PIK3AP1: variants seen among roughly 807,000 people sequenced by gnomAD.
The protein encoded by PIK3AP1 is phosphoinositide 3-kinase adapter protein 1.
PIK3AP1 carries 21 observed loss-of-function variants against 88.1 expected under a neutral mutation model. The ratio of observed to expected loss-of-function variants is 0.24; its 90% CI spans 0.17 to 0.34. The LOEUF (loss-of-function observed/expected upper bound fraction) is 0.34. PIK3AP1 is among the 10% of genes least tolerant of loss of function. PIK3AP1 has a pLI of 1.00. For synonymous variants in PIK3AP1, 398 were observed against 400.0 expected (o/e 1.00, Z 0.06); for missense variants, 828 against 1,035.7 (o/e 0.80, Z 2.75).
intron 8 of PIK3AP1, among the ~76,000 whole-genome samples, chr10:96,631,889 A>T (rs1843249675): frequency 6.7e-6 from 1 of 149,880 alleles, no homozygotes; most frequent in African/African-American, 2.4e-5. Context: ...GTCTCAAAAA[A>T]CAAAACAAAA....
chr10:96,639,974 G>A (rs12251867), intron 8 of PIK3AP1, among the ~76,000 whole-genome samples: 1 of 152,068 alleles, frequency 6.6e-6, no homozygotes, highest in African/African-American at 2.4e-5. Context: ...AGCTTGCAGA[G>A]AGGGGCTGTA....
Position 96,614,263 on chromosome 10 carries a change from A to G in PIK3AP1, c.2014+2376T>C, listed in dbSNP as rs1176581480. Among the ~76,000 whole-genome samples, 6 of 151,784 alleles carry G rather than the reference A, an allele frequency of 4.0e-5. No individual in the cohort carries two copies. The East Asian group carries it at 1.2e-3, about 29-fold the overall frequency. ...TTCTTGATGCTGTCTGTATTTAAAA[A>G]CCTGAAATGTCTCATTCCATCAAGG... On this transcript the variant is annotated intron_variant, in intron 13 of 16. Coordinates refer to ENST00000339364, the MANE Select transcript of PIK3AP1 (RefSeq NM_152309.3).
intron 2 of PIK3AP1, among the ~76,000 whole-genome samples, chr10:96,661,552 A>T (rs1480399516): frequency 6.6e-6 from 1 of 152,228 alleles, no homozygotes. Context: ...ATAGGGGCAG[A>T]GCAGACATGG....
intron 13 of PIK3AP1, among the ~76,000 whole-genome samples, chr10:96,611,446 T>C (rs79493967): frequency 2.6e-5 from 4 of 152,250 alleles, no homozygotes; most frequent in Admixed American, 6.5e-5. Flanking sequence ...TTTTTTTTTT[T>C]CTTCCTGCTC....
intron 8 of PIK3AP1, among the ~76,000 whole-genome samples, chr10:96,634,761 A>C (rs749655724): frequency 6.6e-6 from 1 of 152,160 alleles, no homozygotes; most frequent in Non-Finnish European, 1.5e-5. Flanking sequence ...CATTTAAAAC[A>C]ACTTAAATTT....
At chr10:96,622,191 G>A (rs1843093265) in intron 11 of PIK3AP1, among the ~76,000 whole-genome samples, 1 of 152,220 alleles carries the variant, frequency 6.6e-6, no homozygotes, top group South Asian at 2.1e-4. Flanking sequence ...GTAGGTGCTG[G>A]CTTCCAGCTG....
chr10:96,640,368 C>A lies in PIK3AP1; in HGVS notation c.1375+5105G>T, dbSNP rs891556773. On this transcript the variant is annotated intron_variant, in intron 8 of 16. Coordinates refer to ENST00000339364, the MANE Select transcript of PIK3AP1 (RefSeq NM_152309.3). ...ACTGGACAAGGGCCTCCCAGAACTG[C>A]CCCCCCAAGGCCATTCTACCCAGAG... is the stretch of plus-strand genomic sequence containing the variant. Among the ~76,000 whole-genome samples the A allele has an allele frequency of 9.6e-3, 22 of 2,300 alleles. No individual in the cohort carries two copies. In the Non-Finnish European group the frequency reaches 0.41, roughly 42 times the overall value. 1.5% of individuals were successfully genotyped at this position (2,300 alleles called of 152,430 possible).
chr10:96,602,912 G>A (rs1229386011), intron 15 of PIK3AP1, among the ~76,000 whole-genome samples: 3 of 152,210 alleles, frequency 2.0e-5, no homozygotes, highest in African/African-American at 7.2e-5. Flanking sequence ...GCAGAGGTGT[G>A]AGGGGAAAGA....
At chr10:96,687,749 C>T (rs1366702349) in intron 2 of PIK3AP1, among the ~76,000 whole-genome samples, 1 of 152,196 alleles carries the variant, frequency 6.6e-6, no homozygotes, top group Non-Finnish European at 1.5e-5. Flanking sequence ...CACTAACTTC[C>T]TCCACAACTC....
At chr10:96,694,624 C>T (rs901562973) in intron 2 of PIK3AP1, among the ~76,000 whole-genome samples, 2 of 150,172 alleles carry the variant, frequency 1.3e-5, no homozygotes, top group Admixed American at 1.3e-4. Flanking sequence ...GTCTTGGATT[C>T]CTGAGCTCAA....
intron 2 of PIK3AP1, among the ~76,000 whole-genome samples, chr10:96,698,384 C>T (rs550453043): frequency 6.6e-6 from 1 of 152,300 alleles, no homozygotes; most frequent in African/African-American, 2.4e-5. Flanking sequence ...GACGCTGTGG[C>T]TCACGCCTGT....
chr10:96,655,335 C>G (rs1443665703), intron 3 of PIK3AP1, among the ~76,000 whole-genome samples: 2 of 152,114 alleles, frequency 1.3e-5, no homozygotes, highest in Non-Finnish European at 2.9e-5. Context: ...GAAACCTCGT[C>G]TCTACTAAAA....
intron 3 of PIK3AP1, among the ~76,000 whole-genome samples, chr10:96,655,747 C>T (rs1036918470): frequency 3.3e-5 from 5 of 152,236 alleles, no homozygotes; most frequent in Non-Finnish European, 4.4e-5. Context: ...CAAGTTATCT[C>T]TCTCTTTGCC....
At chr10:96,655,782 C>T (rs895174451) in intron 3 of PIK3AP1, among the ~76,000 whole-genome samples, 17 of 152,296 alleles carry the variant, frequency 1.1e-4, no homozygotes, top group Admixed American at 1.1e-3. Context: ...TAAGACATGC[C>T]TTTCCTCCTC....
In PIK3AP1 at chr10:96,648,701, T is replaced by C. The variant is rs201004779; in HGVS notation, c.1143A>G (p.Lys381=). 1.6e-4 allele frequency: 250 copies of C among 1,609,796 alleles called. 1 individual carries two copies. The highest frequency in any genetic ancestry group is 5.1e-6 in the Non-Finnish European group (6 of 1,178,324). The change falls in exon 7 of 17, where the codon AAA becomes AAG. Residue 381 remains lysine (K), a synonymous_variant. Transcript: ENST00000339364. ...ACTGCCGCAGGTCCCTGAAGCCGTGTTTCTCAGCGATGGTGTTGGGGTAGT... is the reference window on the plus strand; with the variant it reads ...ACTGCCGCAGGTCCCTGAAGCCGTGCTTCTCAGCGATGGTGTTGGGGTAGT... The part of the protein sequence containing the change: ...HGHYPNTIAE[K]HGFRDLRQFI...
At chr10:96,628,882 ATATATACATATATATATATATATATGTG>A (rs1284688505) in intron 8 of PIK3AP1, among the ~76,000 whole-genome samples, 62 of 1,586 alleles carry the variant, frequency 0.039, 2 homozygotes, top group Admixed American at 0.081. Flanking sequence ...ACACATATAT[ATATATACATATATATATATATATATGTG>A]TATATATATA....
chr10:96,610,023 T>C (rs1476975564), intron 13 of PIK3AP1, among the ~76,000 whole-genome samples, 156 bp from the exon 14 acceptor site: 1 of 152,088 alleles, frequency 6.6e-6, no homozygotes, highest in African/African-American at 2.4e-5. Context: ...GGGCCCTGGG[T>C]TGGTGGCCCC....
chr10:96,611,943 C>A (rs796829674), intron 13 of PIK3AP1, among the ~76,000 whole-genome samples: 22 of 152,286 alleles, frequency 1.4e-4, no homozygotes, highest in African/African-American at 3.1e-4. Context: ...TCCTGATATT[C>A]TTTGAATAAA....
chr10:96,656,703 C>T, intron 3 of PIK3AP1, 95 bp downstream of exon 3: 1 of 1,506,208 alleles, frequency 6.6e-7, no homozygotes, highest in Non-Finnish European at 9.1e-7. Flanking sequence ...TACTGAGGTG[C>T]AATACAAGAA....
Sources: allele counts gnomAD v4.1 joint callset (sites outside exome capture counted in the v4.1 genomes callset), GRCh38; gene constraint gnomAD v4.1.1; transcripts MANE v1.5; gene names NCBI Gene and HGNC (gene_info 2026-07-23, HGNC 2026-07-21).